The following GALNT13 variants were observed in gnomAD, a reference collection of about 807,000 sequenced individuals.
GALNT13 encodes UDP-GalNAc:polypeptide N-acetylgalactosaminyltransferase 13.
Under a neutral mutation model 64.2 loss-of-function variants are expected in GALNT13, and 28 were observed. The observed-to-expected ratio is 0.44, with a 90% confidence interval of 0.32 to 0.60. GALNT13 has a LOEUF of 0.60. Among genes scored for constraint, GALNT13 ranks in the 20% least tolerant of loss-of-function variants. The probability of loss-of-function intolerance (pLI) is 0.05; values close to 1 mark genes in which losing one functional copy is unlikely to be tolerated. For synonymous variants in GALNT13, 214 were observed against 224.6 expected, an observed-to-expected ratio of 0.95 and a Z score of 0.42; for missense variants, 577 against 669.8, an observed-to-expected ratio of 0.86 and a Z score of 1.53.
intron 8 of GALNT13, among the ~76,000 whole-genome samples, chr2:154,268,523 A>G (rs1195651634): frequency 6.6e-6 from 1 of 152,144 alleles, no homozygotes; most frequent in African/African-American, 2.4e-5. Context: ...AGTTTCACCT[A>G]TGACAAAACT....
chr2:153,846,685 G>C, the GALNT13 span, among the ~76,000 whole-genome samples: 1 of 152,080 alleles, frequency 6.6e-6, no homozygotes, highest in Non-Finnish European at 1.5e-5. Flanking sequence ...GAGTGAACTT[G>C]ACATATGTTA....
At chr2:153,296,119 G>A in the GALNT13 span, among the ~76,000 whole-genome samples, 1 of 152,114 alleles carries the variant, frequency 6.6e-6, no homozygotes, top group African/African-American at 2.4e-5. Flanking sequence ...TGTTATCTCT[G>A]CATTCAGTCT....
chr2:154,038,969 A>G (rs747440595), intron 3 of GALNT13, among the ~76,000 whole-genome samples: 1 of 152,164 alleles, frequency 6.6e-6, no homozygotes, highest in Non-Finnish European at 1.5e-5. Flanking sequence ...ACATTTCTCA[A>G]TAGAAGACAT....
the GALNT13 span, among the ~76,000 whole-genome samples, chr2:153,189,198 C>T: frequency 1.3e-5 from 2 of 152,090 alleles, no homozygotes; most frequent in Admixed American, 1.3e-4. Context: ...TTTTCACCCA[C>T]CTTTCTTATT....
In GALNT13 at chr2:154,230,828, CTGCTTTTGT is replaced by C. The variant is rs556588462; in HGVS notation, c.312-11200_312-11192del. On this transcript the variant is annotated intron_variant, in intron 4 of 12. Coordinates refer to ENST00000392825, the MANE Select transcript of GALNT13 (RefSeq NM_052917.4). ...TCTGGTAGACTTAAGTGTTTTGTGA[CTGCTTTTGT>C]TACTGCTTTCTCTGCTCCTCACAGT... Among the ~76,000 whole-genome samples the C allele has an allele frequency of 1.7e-3, 257 of 152,200 alleles. 1 individual carries two copies. The highest frequency in any genetic ancestry group is 2.8e-3 in the Non-Finnish European group (190 of 67,988).
chr2:154,353,660 G>C (rs1022468593), intron 9 of GALNT13, among the ~76,000 whole-genome samples: 6 of 152,110 alleles, frequency 3.9e-5, no homozygotes, highest in African/African-American at 1.4e-4. Flanking sequence ...TTGAGATCAT[G>C]CAACATTTTT....
chr2:154,051,339 G>A (rs1322064918), intron 3 of GALNT13, among the ~76,000 whole-genome samples: 3 of 140,550 alleles, frequency 2.1e-5, no homozygotes, highest in Non-Finnish European at 3.0e-5. Flanking sequence ...GCCGGACTGC[G>A]GACTGCAGTG....
chr2:154,430,392 G>A (rs1449622958), intron 11 of GALNT13, among the ~76,000 whole-genome samples: 1 of 152,112 alleles, frequency 6.6e-6, no homozygotes, highest in Non-Finnish European at 1.5e-5. Flanking sequence ...AATAATTTCA[G>A]ATAAGGTGGA....
At chr2:154,438,917 A>T (rs1310418330) in intron 12 of GALNT13, among the ~76,000 whole-genome samples, 191 bp downstream of exon 12, 1 of 152,186 alleles carries the variant, frequency 6.6e-6, no homozygotes, top group Non-Finnish European at 1.5e-5. Flanking sequence ...TGGTCCATTA[A>T]TATAAAATAT....
the GALNT13 span, among the ~76,000 whole-genome samples, chr2:153,858,607 T>C: frequency 6.6e-6 from 1 of 152,196 alleles, no homozygotes; most frequent in Non-Finnish European, 1.5e-5. Context: ...ATTGTCACAA[T>C]TGCTCTATTT....
At chr2:154,067,780 G>A (rs1411726980) in intron 3 of GALNT13, among the ~76,000 whole-genome samples, 2 of 152,018 alleles carry the variant, frequency 1.3e-5, no homozygotes, top group African/African-American at 4.8e-5. Flanking sequence ...GAAAAATTTA[G>A]GGAAACTCTC....
At chr2:153,356,564 TGCCAAA>T in the GALNT13 span, 1 of 152,202 alleles carries the variant, frequency 6.6e-6, no homozygotes, top group Non-Finnish European at 1.5e-5. Flanking sequence ...GTGCACAACG[TGCCAAA>T]TGTACTAACA....
intron 3 of GALNT13, among the ~76,000 whole-genome samples, chr2:154,051,383 C>T (rs1250869710): frequency 6.7e-6 from 1 of 150,212 alleles, no homozygotes; most frequent in Non-Finnish European, 1.5e-5. Flanking sequence ...CTCCGCTTCC[C>T]GGGTTCACGC....
intron 3 of GALNT13, among the ~76,000 whole-genome samples, chr2:154,117,537 G>A (rs1414595580): frequency 6.6e-6 from 1 of 152,012 alleles, no homozygotes; most frequent in Non-Finnish European, 1.5e-5. Flanking sequence ...TTCCATTCCC[G>A]AGCTACTTCA....
intron 3 of GALNT13, among the ~76,000 whole-genome samples, chr2:153,967,458 C>T (rs552925297): frequency 6.6e-6 from 1 of 152,192 alleles, no homozygotes; most frequent in Admixed American, 6.5e-5. Context: ...TAGGTGGCCC[C>T]CATAAGCCCA....
chr2:153,984,944 G>A (rs1321538070), intron 3 of GALNT13, among the ~76,000 whole-genome samples: 1 of 151,664 alleles, frequency 6.6e-6, no homozygotes, highest in Non-Finnish European at 1.5e-5. Context: ...GATAAAATAT[G>A]CATAATTTTT....
At chr2:153,823,064 C>A in the GALNT13 span, among the ~76,000 whole-genome samples, 1 of 152,048 alleles carries the variant, frequency 6.6e-6, no homozygotes, top group African/African-American at 2.4e-5. Context: ...ATACATCTAA[C>A]CAAGGAAGTG....
the GALNT13 span, among the ~76,000 whole-genome samples, chr2:153,284,686 G>T: frequency 6.6e-6 from 1 of 152,180 alleles, no homozygotes; most frequent in Non-Finnish European, 1.5e-5. Flanking sequence ...TCATATCCGG[G>T]GGAATCACTC....
rs1352114338 is a variant in GALNT13, at chr2:154,120,180, GTT to G, written c.143-20154_143-20153del. 5.3e-5 allele frequency among the ~76,000 whole-genome samples: 8 copies of G among 152,298 alleles called. No homozygotes were observed. In the South Asian group the frequency reaches 1.7e-3, roughly 32 times the overall value. On this transcript the variant is annotated intron_variant, in intron 3 of 12. Coordinates refer to ENST00000392825, the MANE Select transcript of GALNT13 (RefSeq NM_052917.4). ...CCTGGCCTGGTAGAGCTTGCTGTCGGTTTTCCAGTTGGCTTGGCTGCTACTTT... is the reference window on the plus strand; with the variant it reads ...CCTGGCCTGGTAGAGCTTGCTGTCGGTTCCAGTTGGCTTGGCTGCTACTTT...
Sources: gnomAD v4.1 joint callset for allele counts (sites outside exome capture counted in the v4.1 genomes callset) on GRCh38, gnomAD v4.1.1 for gene constraint, MANE v1.5 for transcripts, NCBI Gene and HGNC (gene_info 2026-07-23, HGNC 2026-07-21) for gene names.